The following COL22A1 variants were observed in gnomAD, a reference collection of about 807,000 sequenced individuals.
The protein encoded by COL22A1 is collagen type XXII alpha 1 chain.
In COL22A1, 221 loss-of-function variants were observed where a neutral mutation model predicts 248.9. The ratio of observed to expected loss-of-function variants is 0.89; its 90% confidence interval spans 0.80 to 0.99. The LOEUF (loss-of-function observed/expected upper bound fraction) is 0.99. Ranked by LOEUF, COL22A1 falls within the 50% of genes least tolerant of loss-of-function variation. The pLI is 0.00. For synonymous variants in COL22A1, 891 were observed against 793.4 expected (o/e 1.12, Z -2.07); for missense variants, 2,240 against 2,179.0 (o/e 1.03, Z -0.56).
intron 39 of COL22A1, among the ~76,000 whole-genome samples, chr8:138,681,341 AG>A (rs919976959): frequency 6.6e-6 from 1 of 152,118 alleles, no homozygotes; most frequent in Non-Finnish European, 1.5e-5. Context: ...CCTACCCATC[AG>A]TGGATCTTTG....
At chr8:138,655,304 T>C (rs1332900316) in intron 45 of COL22A1, among the ~76,000 whole-genome samples, 1 of 152,208 alleles carries the variant, frequency 6.6e-6, no homozygotes, top group Non-Finnish European at 1.5e-5. Flanking sequence ...CATGCAGCTA[T>C]TAAGTATGTG....
chr8:138,716,784 G>A, intron 28 of COL22A1, 41 bp downstream of exon 28: 1 of 1,473,820 alleles, frequency 6.8e-7, no homozygotes, highest in Non-Finnish European at 9.5e-7. Flanking sequence ...AACAATGAAT[G>A]AATGAATAAA....
chr8:138,747,681 AAT>A (rs1411199855), intron 22 of COL22A1, among the ~76,000 whole-genome samples: 3 of 152,282 alleles, frequency 2.0e-5, no homozygotes, highest in Middle Eastern at 3.4e-3. Flanking sequence ...GGCCTGCCAG[AAT>A]ATAAACAGCA....
chr8:138,701,754 G>A (rs1317060859), intron 31 of COL22A1, among the ~76,000 whole-genome samples: 1 of 152,242 alleles, frequency 6.6e-6, no homozygotes, highest in Non-Finnish European at 1.5e-5. Flanking sequence ...AGTTCAAGCT[G>A]CTAGTGAATG....
Position 138,715,401 on chromosome 8 carries a change from T to G in COL22A1, c.2517+281A>C, listed in dbSNP as rs1171351778. ...CTGGCTAACATGGAGAAATCTCGTC[T>G]CTACTAAAAACACAAAAATTAGCCA... On this transcript the variant is annotated intron_variant, in intron 30 of 64. Coordinates refer to ENST00000303045, the MANE Select transcript of COL22A1 (RefSeq NM_152888.3). 2.0e-5 allele frequency among the ~76,000 whole-genome samples: 3 copies of G among 151,682 alleles called. No homozygotes were observed. The East Asian group carries it at 5.8e-4, about 29-fold the overall frequency.
At position 138,694,657 on chromosome 8, in the gene COL22A1, A is replaced by G; in HGVS notation, c.2647-96T>C. 6 of 1,424,708 alleles carry G rather than the reference A, an allele frequency of 4.2e-6. No homozygotes were observed. In the South Asian group the frequency reaches 7.4e-5, roughly 18 times the overall value. The allele number at this position is 1,424,708 out of a possible 1,614,324, so 88.3% of individuals were successfully genotyped here. A position where few individuals can be genotyped will look rare whatever the true frequency, so the allele number is the denominator to read the frequency against. On this transcript the variant is annotated intron_variant, in intron 33 of 64. Transcript: ENST00000303045. ...GACGTTGCAATGGGTATAATTTGAGATCCAAGGAGGGGACGTAGCTAGCGT... is the reference window on the plus strand; with the variant it reads ...GACGTTGCAATGGGTATAATTTGAGGTCCAAGGAGGGGACGTAGCTAGCGT...
chr8:138,762,461 C>G lies in COL22A1; in HGVS notation c.1809G>C (p.Glu603Asp), dbSNP rs1260741476. The change falls in exon 17 of 65, where the codon GAG (glutamate) becomes GAC (aspartate). Residue 603 changes from glutamate (E) to aspartate (D), a missense_variant. Coordinates refer to ENST00000303045, the MANE Select transcript of COL22A1 (RefSeq NM_152888.3). Reference sequence around the variant, plus strand: ...TCCCAGGGAATCCATCCAGGCCTCGCTCTCCCTGGCAAAAGAAGGCAAATG... The same window carrying G: ...TCCCAGGGAATCCATCCAGGCCTCGGTCTCCCTGGCAAAAGAAGGCAAATG... ...GEKGTRGEKG[E>D]RGLDGFPGKP... 1.9e-6 allele frequency: 3 copies of G among 1,614,150 alleles called. No individual in the cohort carries two copies. The African/African-American group carries it at 4.0e-5, about 22-fold the overall frequency.
At chr8:138,663,664 C>G in intron 42 of COL22A1, 41 bp downstream of exon 42, 1 of 1,482,934 alleles carries the variant, frequency 6.7e-7, no homozygotes, top group Non-Finnish European at 9.4e-7. Context: ...AGCAGGATTC[C>G]TCCCATAGAA....
At chr8:138,831,202 A>T (rs1820020643) in intron 5 of COL22A1, among the ~76,000 whole-genome samples, 1 of 152,046 alleles carries the variant, frequency 6.6e-6, no homozygotes, top group African/African-American at 2.4e-5. Context: ...AAAAAACAAA[A>T]AGGATCACAC....
intron 10 of COL22A1, among the ~76,000 whole-genome samples, chr8:138,806,033 T>TGTGC (rs1817613057): frequency 2.2e-3 from 52 of 23,608 alleles, no homozygotes; most frequent in Middle Eastern, 0.025. Context: ...TGTGTGGTTG[T>TGTGC]GTGTGTGATG....
chr8:138,709,279 C>A (rs1199823170), intron 30 of COL22A1, among the ~76,000 whole-genome samples: 1 of 152,120 alleles, frequency 6.6e-6, no homozygotes, highest in Non-Finnish European at 1.5e-5. Context: ...CCAGCCATCC[C>A]ATTTCTAGGT....
At chr8:138,711,845 G>A (rs1828997690) in intron 30 of COL22A1, among the ~76,000 whole-genome samples, 1 of 152,198 alleles carries the variant, frequency 6.6e-6, no homozygotes, top group African/African-American at 2.4e-5. Flanking sequence ...TTCCTCCTGA[G>A]GCAGCCCCAG....
chr8:138,798,362 TG>T (rs1179723287), intron 11 of COL22A1, among the ~76,000 whole-genome samples: 6 of 152,054 alleles, frequency 3.9e-5, no homozygotes, highest in South Asian at 2.1e-4. Flanking sequence ...GCTCCTTTAC[TG>T]ATCTTTTTTG....
At chr8:138,817,257 CT>C (rs1563803507) in intron 7 of COL22A1, among the ~76,000 whole-genome samples, 1 of 152,202 alleles carries the variant, frequency 6.6e-6, no homozygotes, top group African/African-American at 2.4e-5. Flanking sequence ...GGTGTTACCA[CT>C]GTGAGCATCT....
intron 4 of COL22A1, among the ~76,000 whole-genome samples, chr8:138,835,833 A>G (rs1319205283): frequency 2.0e-5 from 2 of 102,298 alleles, no homozygotes; most frequent in Middle Eastern, 6.1e-3. Flanking sequence ...TGGGATAATA[A>G]TAACAGTGTA....
At position 138,760,309 on chromosome 8, in the gene COL22A1, C is replaced by A. The variant is rs181654289; in HGVS notation, c.1858-22G>T. 169 of 1,595,562 alleles carry A rather than the reference C, an allele frequency of 1.1e-4. No individual in the cohort carries two copies. The East Asian group carries it at 3.8e-3, about 36-fold the overall frequency. On this transcript the variant is annotated intron_variant, in intron 17 of 64. Coordinates refer to ENST00000303045, the MANE Select transcript of COL22A1 (RefSeq NM_152888.3). ...TGCCCTGGAGGAAAGAAAGAAAAGG[C>A]AGATTATGATGGGCACTACGGATAC...
chr8:138,791,268 C>A (rs762481559), intron 12 of COL22A1, among the ~76,000 whole-genome samples: 3 of 152,098 alleles, frequency 2.0e-5, no homozygotes, highest in Non-Finnish European at 4.4e-5. Flanking sequence ...GAGGAAGAAT[C>A]AATAACAGGA....
chr8:138,708,092 C>T (rs930518103), intron 30 of COL22A1, among the ~76,000 whole-genome samples: 2 of 152,086 alleles, frequency 1.3e-5, no homozygotes, highest in African/African-American at 4.8e-5. Flanking sequence ...ACATGAAGGA[C>T]CTCTTCAAGG....
chr8:138,872,463 T>C (rs1261514718), intron 3 of COL22A1, among the ~76,000 whole-genome samples: 1 of 152,166 alleles, frequency 6.6e-6, no homozygotes, highest in Non-Finnish European at 1.5e-5. Context: ...ACCACCATAG[T>C]GTGTCCTCAA....
Sources: gnomAD v4.1 joint callset for allele counts (sites outside exome capture counted in the v4.1 genomes callset) on GRCh38, gnomAD v4.1.1 for gene constraint, MANE v1.5 for transcripts, NCBI Gene and HGNC (gene_info 2026-07-23, HGNC 2026-07-21) for gene names.